The following RHPN2 variants were observed in gnomAD, a reference collection of about 807,000 sequenced individuals.
The protein encoded by RHPN2 is rhophilin Rho GTPase binding protein 2.
RHPN2 carries 40 observed loss-of-function variants against 79.0 expected under a neutral mutation model. That is an observed-to-expected ratio of 0.51 (90% CI 0.39 to 0.66). The LOEUF (loss-of-function observed/expected upper bound fraction) is 0.66, where lower values mean the gene tolerates loss of function less well. Among genes scored for constraint, RHPN2 ranks in the 30% least tolerant of loss-of-function variants. The probability of loss-of-function intolerance (pLI) is 0.00; values close to 1 mark genes in which losing one functional copy is unlikely to be tolerated. For synonymous variants in RHPN2, 285 were observed against 363.5 expected, an observed-to-expected ratio of 0.78 and a Z score of 2.46; for missense variants, 686 against 883.5, an observed-to-expected ratio of 0.78 and a Z score of 2.83.
chr19:33,036,364 G>C (rs1376600592), intron 2 of RHPN2, among the ~76,000 whole-genome samples: 1 of 151,956 alleles, frequency 6.6e-6, no homozygotes, highest in African/African-American at 2.4e-5. Context: ...AAATTAGCTG[G>C]GAATGGTGGT....
intron 1 of RHPN2, among the ~76,000 whole-genome samples, chr19:33,049,714 G>A (rs1793360427): frequency 6.6e-6 from 1 of 152,116 alleles, no homozygotes; most frequent in Non-Finnish European, 1.5e-5. Context: ...AGCTTTACAG[G>A]CAACTCCTGG....
chr19:33,012,882 G>T (rs1386837450), intron 4 of RHPN2, among the ~76,000 whole-genome samples, 158 bp from the exon 5 acceptor site: 1 of 152,040 alleles, frequency 6.6e-6, no homozygotes, highest in Non-Finnish European at 1.5e-5. Context: ...CTTAATTTAT[G>T]TAGTTTTTTT....
intron 11 of RHPN2, among the ~76,000 whole-genome samples, chr19:32,994,322 G>A (rs1234338433): frequency 6.6e-6 from 1 of 152,112 alleles, no homozygotes; most frequent in South Asian, 2.1e-4. Context: ...CTTGAACCCA[G>A]GAGGCAGAGG....
At chr19:33,058,774 G>A (rs547370051) in intron 1 of RHPN2, among the ~76,000 whole-genome samples, 24 of 151,936 alleles carry the variant, frequency 1.6e-4, no homozygotes, top group East Asian at 3.9e-4. Flanking sequence ...GCGAGACTCC[G>A]TCTCAATAAC....
intron 10 of RHPN2, among the ~76,000 whole-genome samples, chr19:32,998,011 G>T (rs1216119922): frequency 2.0e-5 from 3 of 152,166 alleles, no homozygotes; most frequent in Non-Finnish European, 4.4e-5. Context: ...GAGGGCTCTC[G>T]CTCCTGTTCT....
At chr19:33,042,322 A>G (rs1053996914) in intron 2 of RHPN2, among the ~76,000 whole-genome samples, 1 of 152,134 alleles carries the variant, frequency 6.6e-6, no homozygotes, top group African/African-American at 2.4e-5. Flanking sequence ...CCAAGGGTCA[A>G]CCAGAACCCT....
intron 4 of RHPN2, among the ~76,000 whole-genome samples, chr19:33,019,317 C>T (rs1971904411): frequency 6.6e-6 from 1 of 151,540 alleles, no homozygotes; most frequent in South Asian, 2.1e-4. Context: ...TGGTGGCTCA[C>T]GCCTGTAATC....
intron 1 of RHPN2, among the ~76,000 whole-genome samples, chr19:33,048,773 T>C (rs1972164241): frequency 7.1e-6 from 1 of 141,386 alleles, no homozygotes; most frequent in Non-Finnish European, 1.5e-5. Flanking sequence ...TATAATTAAA[T>C]ATTAAATAAC....
chr19:32,990,137 T>TAAAGAAAGAAAGAAAAAGAAAG (rs1971644335), intron 14 of RHPN2, among the ~76,000 whole-genome samples: 1 of 17,872 alleles, frequency 5.6e-5, no homozygotes, highest in African/African-American at 5.1e-4. Context: ...AGAAAATGAA[T>TAAAGAAAGAAAGAAAAAGAAAG]AAAGAAAGAA....
intron 3 of RHPN2, among the ~76,000 whole-genome samples, chr19:33,023,905 T>C (rs1971945846): frequency 1.3e-5 from 2 of 152,124 alleles, no homozygotes; most frequent in African/African-American, 2.4e-5. Flanking sequence ...CTGGCCACTC[T>C]AGAGCCCAGG....
intron 2 of RHPN2, among the ~76,000 whole-genome samples, chr19:33,040,430 G>A (rs1972091607): frequency 6.6e-6 from 1 of 151,562 alleles, no homozygotes; most frequent in South Asian, 2.1e-4. Context: ...TTTAGAGATG[G>A]GGTTTCACCA....
intron 14 of RHPN2, among the ~76,000 whole-genome samples, chr19:32,984,984 T>C (rs1208941724): frequency 6.6e-6 from 1 of 150,820 alleles, no homozygotes; most frequent in Non-Finnish European, 1.5e-5. Flanking sequence ...TGCACGCCTA[T>C]AGTCCCAGCT....
chr19:33,034,628 A>G (rs1443559447), intron 2 of RHPN2, among the ~76,000 whole-genome samples: 1 of 148,518 alleles, frequency 6.7e-6, no homozygotes, highest in Non-Finnish European at 1.5e-5. Flanking sequence ...AAAAAATACA[A>G]AAGTTAGCTG....
intron 2 of RHPN2, among the ~76,000 whole-genome samples, chr19:33,034,120 A>T (rs965980946): frequency 1.3e-5 from 2 of 149,962 alleles, no homozygotes; most frequent in African/African-American, 4.9e-5. Flanking sequence ...ATCCTCCCAA[A>T]GTGCTAGGAT....
chr19:33,020,837 C>T (rs1033164433), intron 4 of RHPN2, among the ~76,000 whole-genome samples: 2 of 152,188 alleles, frequency 1.3e-5, no homozygotes, highest in African/African-American at 4.8e-5. Flanking sequence ...CTGCAATTAC[C>T]TTCAAACCAA....
intron 6 of RHPN2, among the ~76,000 whole-genome samples, chr19:33,010,031 G>A (rs529761480): frequency 6.6e-6 from 1 of 152,088 alleles, no homozygotes; most frequent in Non-Finnish European, 1.5e-5. Flanking sequence ...CACCCACCTC[G>A]GCCTCCCAAA....
At position 32,990,595 on chromosome 19, in the gene RHPN2, C is replaced by T. The variant is rs190963864; in HGVS notation, c.1719G>A (p.Glu573=). The change falls in exon 14 of 15, where the codon GAG becomes GAA. Residue 573 remains glutamate (E), a synonymous_variant. Transcript: ENST00000254260. ...LVDCKWLTLS[E]VMKLLKSFGE... ...CAAAGCTCTTCAGCAGCTTCATAAC[C>T]TCACTCAGCGTCAGCCACTTACAAT... The T allele has an allele frequency of 2.5e-6, 4 of 1,613,912 alleles. No individual in the cohort carries two copies. The East Asian group carries it at 8.9e-5, about 36-fold the overall frequency.
At chr19:32,981,429 G>T (rs1238107219) in intron 14 of RHPN2, among the ~76,000 whole-genome samples, 2 of 110,396 alleles carry the variant, frequency 1.8e-5, no homozygotes, top group Non-Finnish European at 3.6e-5. Flanking sequence ...GGGGGGGGCG[G>T]GGGGAAGGGA....
At chr19:32,982,521 T>G (rs1398809455) in intron 14 of RHPN2, among the ~76,000 whole-genome samples, 3 of 152,166 alleles carry the variant, frequency 2.0e-5, no homozygotes, top group African/African-American at 4.8e-5. Flanking sequence ...TGCCTCTTCC[T>G]TTTCTGGAAA....
Sources: gnomAD v4.1 joint callset for allele counts (sites outside exome capture counted in the v4.1 genomes callset) on GRCh38, gnomAD v4.1.1 for gene constraint, MANE v1.5 for transcripts, NCBI Gene and HGNC (gene_info 2026-07-23, HGNC 2026-07-21) for gene names.